The following GAD1 variants were observed in gnomAD, a reference collection of about 807,000 sequenced individuals.
GAD1 encodes the protein glutamate decarboxylase 1.
GAD1 carries 35 observed loss-of-function variants against 75.2 expected under a neutral mutation model. The ratio of observed to expected loss-of-function variants is 0.47; its 90% confidence interval spans 0.36 to 0.62. GAD1 has a LOEUF of 0.62. Among genes scored for constraint, GAD1 ranks in the 20% least tolerant of loss-of-function variants. GAD1 has a pLI of 0.00. For synonymous variants in GAD1, 257 were observed against 271.9 expected (o/e 0.95, Z 0.54); for missense variants, 490 against 758.5 (o/e 0.65, Z 4.16).
In GAD1 at chr2:170,822,080, G is replaced by GTCCTAGC; in HGVS notation, c.83-6_83dup. On this transcript the variant is annotated splice_region_variant and splice_polypyrimidine_tract_variant and intron_variant, in intron 2 of 16. Coordinates refer to ENST00000358196, the MANE Select transcript of GAD1 (RefSeq NM_000817.3). ...AACCGAACCTCTCTCCCTCTCTCTC[G>GTCCTAGC]TCCTAGCGTACGATACCTGGTGCGG... 6.2e-7 allele frequency: 1 copy of GTCCTAGC among 1,606,432 alleles called. No homozygotes were observed. The highest frequency in any genetic ancestry group is 8.5e-7 in the Non-Finnish European group (1 of 1,176,842).
At chr2:170,852,862 G>T (rs912332107) in intron 13 of GAD1, 70 bp downstream of exon 13, 12 of 1,351,282 alleles carry the variant, frequency 8.9e-6, no homozygotes, top group Non-Finnish European at 1.2e-5. Context: ...ACACACGTGG[G>T]GTCTCTTTGC....
rs769174498 is a variant in GAD1, at chr2:170,844,022, CCTT to C, written c.639-16_639-14del. On this transcript the variant is annotated intron_variant, in intron 6 of 16. Transcript: ENST00000358196. ...GTTTGACTTCTTTATTTTCTTTCAT[CCTT>C]CTTCTTACCACCTTTCCAGGTTTAC... The C allele has an allele frequency of 4.7e-6, 6 of 1,266,578 alleles. No homozygotes were observed. The highest frequency in any genetic ancestry group is 2.3e-5 in the East Asian group (1 of 43,234). 78.5% of individuals were successfully genotyped at this position (1,266,578 alleles called of 1,614,324 possible).
intron 11 of GAD1, chr2:170,848,604 C>A: frequency 2.1e-6 from 1 of 466,880 alleles, no homozygotes; most frequent in South Asian, 1.6e-5. Flanking sequence ...CCAAATCTTC[C>A]CAGGAACACA....
chr2:170,860,043 G>A lies in GAD1; in HGVS notation c.*161G>A. 2.7e-6 allele frequency: 2 copies of A among 740,050 alleles called. No homozygotes were observed. Among genetic ancestry groups the A allele is most frequent in the Non-Finnish European group, 4.5e-6 (2 of 439,582 alleles). The allele number at this position is 740,050 out of a possible 1,614,324, so 45.8% of individuals were successfully genotyped here. A position where few individuals can be genotyped will look rare whatever the true frequency, so the allele number is the denominator to read the frequency against. ...CCTTACTTAAAGCTTGTTTGTTCTA[G>A]TTAGCAGGAAATAGTGTTCTTTTTA... is the stretch of plus-strand genomic sequence containing the variant. On this transcript the variant is annotated 3_prime_UTR_variant, in exon 17 of 17. Transcript: ENST00000358196.
intron 2 of GAD1, among the ~76,000 whole-genome samples, chr2:170,820,251 C>G (rs1206726160): frequency 2.6e-5 from 4 of 152,196 alleles, no homozygotes. Context: ...CGGTGGCCGC[C>G]AGTCGCCGGC....
rs993775386 is a variant in GAD1, at chr2:170,831,134, G to A, written c.489G>A (p.Glu163=). The part of the protein sequence containing the change: ...GFNLELSDHP[E]SLEQILVDCR... ...ACTTGGAGCTCTCTGACCACCCCGAGTCCCTGGAGCAGATCCTGGTTGACT... is the reference window on the plus strand; with the variant it reads ...ACTTGGAGCTCTCTGACCACCCCGAATCCCTGGAGCAGATCCTGGTTGACT... The change falls in exon 5 of 17, where the codon GAG becomes GAA. Residue 163 remains glutamate (E), a synonymous_variant. Transcript: ENST00000358196. 1 of 1,614,068 alleles carries A rather than the reference G, an allele frequency of 6.2e-7. No homozygotes were observed. Among genetic ancestry groups the A allele is most frequent in the Admixed American group, 1.7e-5 (1 of 60,002 alleles).
At chr2:170,855,450 C>T (rs1436209815) in intron 14 of GAD1, among the ~76,000 whole-genome samples, 2 of 151,896 alleles carry the variant, frequency 1.3e-5, no homozygotes, top group African/African-American at 2.4e-5. Flanking sequence ...CCAAGTGATC[C>T]ACCCACCTTG....
At chr2:170,830,315 T>A (rs1378523205) in intron 4 of GAD1, among the ~76,000 whole-genome samples, 1 of 152,154 alleles carries the variant, frequency 6.6e-6, no homozygotes, top group Non-Finnish European at 1.5e-5. Flanking sequence ...CCCTACAGCT[T>A]TTTTCCCTGC....
In GAD1 at chr2:170,818,625, T is replaced by C. The variant is rs149074954; in HGVS notation, c.34T>C (p.Ser12Pro). The C allele has an allele frequency of 6.2e-7, 1 of 1,613,868 alleles. No homozygotes were observed. Among genetic ancestry groups the C allele is most frequent in the Admixed American group, 1.7e-5 (1 of 59,992 alleles). The change falls in exon 2 of 17, where the codon TCC becomes CCC. Residue 12 changes from serine (S) to proline (P), a missense_variant. Around this residue, in one of 3 missense-constraint regions of GAD1, gnomAD observed 165 missense variants for 216.4 expected, o/e 0.76. Transcript: ENST00000358196. This position sits in a 1 kb window ranked among gnomAD's most constrained non-coding sequence, Gnocchi z 5.9. ...ASSTPSSSAT[S>P]SNAGADPNTT... The stretch of plus-strand genomic sequence containing the variant: ...TTCGACCCCATCTTCGTCCGCAACC[T>C]CCTCGAACGCGGGAGCGGACCCCAA...
At chr2:170,842,526 A>ACAGGCTAAACCAGGAATCCTTCTCTTCTT (rs1559280729) in intron 6 of GAD1, 2 of 1,585,356 alleles carry the variant, frequency 1.3e-6, no homozygotes, top group Admixed American at 1.7e-5. Context: ...ACTTGGCAGC[A>ACAGGCTAAACCAGGAATCCTTCTCTTCTT]CAGGCTAAAC....
In GAD1 at chr2:170,844,052, T is replaced by C. The variant is rs756066322; in HGVS notation, c.646T>C (p.Tyr216His). The C allele has an allele frequency of 6.4e-7, 1 of 1,568,462 alleles. No individual in the cohort carries two copies. Among genetic ancestry groups the C allele is most frequent in the Non-Finnish European group, 8.8e-7 (1 of 1,138,484 alleles). The change falls in exon 7 of 17, where the codon TAT becomes CAT. Residue 216 changes from tyrosine to histidine, a missense_variant. Tyr to His is a moderately conservative substitution (Grantham distance 83, BLOSUM62 2). Around this residue, in one of 3 missense-constraint regions of GAD1, gnomAD observed 324 missense variants for 523.9 expected, o/e 0.62. Transcript: ENST00000358196. Reference protein sequence around the residue: ...TSTANTNMFTYEIAPVFVLME... With the variant: ...TSTANTNMFTHEIAPVFVLME... ...TTCTTACCACCTTTCCAGGTTTACA[T>C]ATGAAATTGCACCAGTGTTTGTCCT...
intron 7 of GAD1, 115 bp downstream of exon 7, chr2:170,844,272 C>T (rs1208627257): frequency 2.8e-6 from 2 of 705,662 alleles, no homozygotes; most frequent in Non-Finnish European, 2.6e-6. Context: ...CCCTGACTTC[C>T]TATTTTTTCA....
intron 3 of GAD1, among the ~76,000 whole-genome samples, chr2:170,827,225 C>T (rs992793702): frequency 6.6e-6 from 1 of 152,156 alleles, no homozygotes; most frequent in African/African-American, 2.4e-5. Context: ...GAATTGTAGT[C>T]CTGGGAAGCA....
intron 3 of GAD1, 149 bp downstream of exon 3, chr2:170,822,298 C>T (rs1452726023): frequency 8.1e-6 from 6 of 737,604 alleles, no homozygotes; most frequent in Non-Finnish European, 1.4e-5. Context: ...AGCGACCACG[C>T]TCCCCTACAG....
chr2:170,819,538 C>T (rs1231319902), intron 2 of GAD1, among the ~76,000 whole-genome samples: 1 of 152,072 alleles, frequency 6.6e-6, no homozygotes, highest in African/African-American at 2.4e-5. Flanking sequence ...CAACCCATTT[C>T]CAGAATCTAT....
At chr2:170,852,497 T>C in intron 12 of GAD1, 2 of 593,212 alleles carry the variant, frequency 3.4e-6, no homozygotes, top group Non-Finnish European at 6.1e-6. Context: ...TCATAAATGT[T>C]AGCTATTGTT....
chr2:170,814,197 C>A (rs1167863515), upstream of GAD1, among the ~76,000 whole-genome samples: 1 of 152,174 alleles, frequency 6.6e-6, no homozygotes, highest in Non-Finnish European at 1.5e-5. Flanking sequence ...CAAATTCCTA[C>A]CGGAGAGAAG....
intron 15 of GAD1, 146 bp downstream of exon 15, chr2:170,857,271 T>G: frequency 1.6e-6 from 1 of 637,184 alleles, no homozygotes; most frequent in South Asian, 1.7e-5. Context: ...TCTTAATTCC[T>G]CTCTTTAATT....
chr2:170,852,887 G>GCC, intron 13 of GAD1, 95 bp downstream of exon 13: 1 of 1,070,156 alleles, frequency 9.3e-7, no homozygotes, highest in Non-Finnish European at 1.4e-6. Flanking sequence ...CTTGTTGGCT[G>GCC]ACTCACGAGA....
Sources: gnomAD v4.1 joint callset for allele counts (sites outside exome capture counted in the v4.1 genomes callset) on GRCh38, gnomAD v4.1.1 for gene constraint, gnomAD v4.1.1 regional missense constraint, Gnocchi (gnomAD v3.1) non-coding constraint, MANE v1.5 for transcripts, NCBI Gene and HGNC (gene_info 2026-07-23, HGNC 2026-07-21) for gene names.